Variants in ATXN7L1 observed in about 807,000 individuals in gnomAD.
The protein encoded by ATXN7L1 is ataxin-7-like protein 1.
ATXN7L1 carries 15 observed loss-of-function variants against 70.8 expected under a neutral mutation model. The observed-to-expected ratio is 0.21, with a 90% CI of 0.14 to 0.33. The LOEUF is 0.33. Ranked by LOEUF, ATXN7L1 falls within the 10% of genes least tolerant of loss-of-function variation. The pLI, the probability that ATXN7L1 is intolerant of heterozygous loss-of-function variation, is 1.00. For missense variants in ATXN7L1, 975 were observed against 1,097.1 expected (o/e 0.89, Z 1.57); for synonymous variants, 440 against 445.1 (o/e 0.99, Z 0.14).
intron 3 of ATXN7L1, among the ~76,000 whole-genome samples, chr7:105,727,806 A>G (rs1796088215): frequency 7.3e-6 from 1 of 136,596 alleles, no homozygotes; most frequent in Non-Finnish European, 1.5e-5. Flanking sequence ...ATATATATGT[A>G]TATATGAATA....
At chr7:105,829,247 C>T (rs564037037) in intron 2 of ATXN7L1, among the ~76,000 whole-genome samples, 29 of 151,782 alleles carry the variant, frequency 1.9e-4, no homozygotes, top group Non-Finnish European at 3.7e-4. Context: ...TATGGTGAAA[C>T]GCCATCTCTA....
intron 7 of ATXN7L1, among the ~76,000 whole-genome samples, chr7:105,632,212 C>G (rs114794244): frequency 6.6e-6 from 1 of 151,984 alleles, no homozygotes; most frequent in African/African-American, 2.4e-5. Flanking sequence ...AGGAAACAAA[C>G]CTGGAAAAAA....
Position 105,614,154 on chromosome 7 carries a change from G to T in ATXN7L1, c.2180C>A (p.Ala727Glu). 1 of 1,551,670 alleles carries T rather than the reference G, an allele frequency of 6.4e-7. No homozygotes were observed. The highest frequency in any genetic ancestry group is 2.4e-5 in the East Asian group (1 of 40,912). Residue 727 changes from alanine to glutamate, a missense_variant, in exon 10 of 12, where the codon GCG becomes GAG. Ala to Glu is a moderately radical substitution (Grantham distance 107). Around this residue, in one of 5 missense-constraint regions of ATXN7L1, gnomAD observed 635 missense variants for 699.4 expected, o/e 0.91. Transcript: ENST00000419735. The surrounding 1 kb of genome is among the most constrained non-coding windows in gnomAD (Gnocchi z 4.3). ...SGRTSLPGGP[A>E]DIVRQVGAVG... ...CGCGCCCACCTGTCTCACTATGTCC[G>T]CGGGGCCGCCGGGCAGCGAGGTCCG...
chr7:105,629,750 T>G (rs1049714822), intron 7 of ATXN7L1, among the ~76,000 whole-genome samples: 4 of 151,934 alleles, frequency 2.6e-5, no homozygotes, highest in Admixed American at 2.0e-4. Flanking sequence ...ACTCCTGATC[T>G]CAAGTGAACC....
At chr7:105,727,746 G>GTGTGTGTATATATATATATATA (rs1333693053) in intron 3 of ATXN7L1, among the ~76,000 whole-genome samples, 1 of 55,356 alleles carries the variant, frequency 1.8e-5, no homozygotes, top group Non-Finnish European at 2.9e-5. Flanking sequence ...GTGTATGTGT[G>GTGTGTGTATATATATATATATA]TATATATATA....
intron 2 of ATXN7L1, among the ~76,000 whole-genome samples, chr7:105,846,572 A>G (rs1455740415): frequency 6.6e-6 from 1 of 152,260 alleles, no homozygotes; most frequent in African/African-American, 2.4e-5. Context: ...TCTTCAAAAA[A>G]TTAAGCATGG....
At position 105,733,617 on chromosome 7, in the gene ATXN7L1, TCCA is replaced by T. The variant is rs1563048968; in HGVS notation, c.355+54984_355+54986del. ...ATCCATCCATCCACCCATCCATCCATCCATCCATCCATCCACCCATCCATCCAT... is the reference window on the plus strand; with the variant it reads ...ATCCATCCATCCACCCATCCATCCATTCCATCCATCCACCCATCCATCCAT... On this transcript the variant is annotated intron_variant, in intron 3 of 11. Coordinates refer to ENST00000419735, the MANE Select transcript of ATXN7L1 (RefSeq NM_020725.2). Among the ~76,000 whole-genome samples, 145 of 105,820 alleles carry T rather than the reference TCCA, an allele frequency of 1.4e-3. 8 individuals are homozygous for T. The highest frequency in any genetic ancestry group is 9.4e-3 in the East Asian group (24 of 2,562). 69.4% of individuals were successfully genotyped at this position (105,820 alleles called of 152,430 possible).
intron 3 of ATXN7L1, among the ~76,000 whole-genome samples, chr7:105,770,977 G>A (rs1184381414): frequency 6.6e-5 from 10 of 152,002 alleles, no homozygotes; most frequent in South Asian, 2.1e-4. Flanking sequence ...CGAGGCAGGC[G>A]GATCACGAGG....
chr7:105,802,077 A>C (rs13231470), intron 2 of ATXN7L1, among the ~76,000 whole-genome samples: 33,133 of 152,056 alleles, frequency 0.22, 3,819 homozygotes, highest in South Asian at 0.41. Flanking sequence ...AGCTTGGCTC[A>C]AGAGAAAACT....
At chr7:105,677,125 T>C (rs1804798727) in intron 3 of ATXN7L1, among the ~76,000 whole-genome samples, 2 of 152,166 alleles carry the variant, frequency 1.3e-5, no homozygotes, top group South Asian at 4.1e-4. Context: ...CAGCCACTTC[T>C]TTACTTTTGG....
At chr7:105,689,068 G>A (rs901160186) in intron 3 of ATXN7L1, among the ~76,000 whole-genome samples, 1 of 152,180 alleles carries the variant, frequency 6.6e-6, no homozygotes, top group Non-Finnish European at 1.5e-5. Context: ...ATCTGGCTCA[G>A]TGCTGCCTTT....
At chr7:105,827,155 T>C (rs1810985466) in intron 2 of ATXN7L1, among the ~76,000 whole-genome samples, 1 of 152,154 alleles carries the variant, frequency 6.6e-6, no homozygotes, top group African/African-American at 2.4e-5. Flanking sequence ...GGGTCAAGAA[T>C]ACAGAAGAAA....
At chr7:105,734,790 A>G (rs558189571) in intron 3 of ATXN7L1, among the ~76,000 whole-genome samples, 1 of 138,636 alleles carries the variant, frequency 7.2e-6, no homozygotes, top group Non-Finnish European at 1.5e-5. Context: ...TCCAAACTCT[A>G]ATCAAAGTGA....
intron 3 of ATXN7L1, among the ~76,000 whole-genome samples, chr7:105,763,050 G>A (rs577729122): frequency 2.6e-5 from 4 of 152,134 alleles, no homozygotes; most frequent in Non-Finnish European, 4.4e-5. Flanking sequence ...ACTCTGAGCC[G>A]AACCACACAG....
chr7:105,757,111 G>A (rs1799895956), intron 3 of ATXN7L1, among the ~76,000 whole-genome samples: 1 of 152,052 alleles, frequency 6.6e-6, no homozygotes. Flanking sequence ...ACATAGAGGG[G>A]AATAAAAGAA....
chr7:105,764,286 T>C (rs544914378), intron 3 of ATXN7L1, among the ~76,000 whole-genome samples: 2 of 151,590 alleles, frequency 1.3e-5, no homozygotes, highest in African/African-American at 4.9e-5. Flanking sequence ...TCTAGAAGGC[T>C]TGGCAAAGCT....
chr7:105,607,023 A>C lies in ATXN7L1; in HGVS notation c.*829T>G, dbSNP rs7777200. ...CTGATTCCTGGAAGGGATTCTGCAG[A>C]TTCCTGACCAGCTCAGACCACCACA... is the stretch of plus-strand genomic sequence containing the variant. On this transcript the variant is annotated 3_prime_UTR_variant, in exon 12 of 12. Transcript: ENST00000419735. 45,192 of 151,830 alleles carry C rather than the reference A, an allele frequency of 0.3. 7,121 individuals are homozygous for C. The highest frequency in any genetic ancestry group is 0.39 in the East Asian group (2,030 of 5,148). 9.4% of individuals were successfully genotyped at this position (151,830 alleles called of 1,614,324 possible).
At chr7:105,653,007 A>G (rs945946450) in intron 4 of ATXN7L1, among the ~76,000 whole-genome samples, 1 of 152,182 alleles carries the variant, frequency 6.6e-6, no homozygotes, top group Non-Finnish European at 1.5e-5. Flanking sequence ...CCATCCAGAA[A>G]ACAAAGCACA....
intron 2 of ATXN7L1, among the ~76,000 whole-genome samples, chr7:105,806,378 C>T (rs533760842): frequency 1.8e-4 from 27 of 152,246 alleles, no homozygotes; most frequent in Admixed American, 1.5e-3. Flanking sequence ...GCACCCTGAT[C>T]GTGGGTGTCA....
Sources: gnomAD v4.1 joint callset for allele counts (sites outside exome capture counted in the v4.1 genomes callset) on GRCh38, gnomAD v4.1.1 for gene constraint, gnomAD v4.1.1 regional missense constraint, Gnocchi (gnomAD v3.1) non-coding constraint, MANE v1.5 for transcripts, NCBI Gene and HGNC (gene_info 2026-07-23, HGNC 2026-07-21) for gene names.